Variants in PEX7 observed in about 807,000 individuals in gnomAD.
PEX7 encodes the protein PTS2 receptor.
PEX7 carries 34 observed loss-of-function variants against 47.5 expected under a neutral mutation model. That is an observed-to-expected ratio of 0.72 (90% CI 0.54 to 0.95). The LOEUF (loss-of-function observed/expected upper bound fraction) is 0.95, where lower values mean the gene tolerates loss of function less well. Ranked by LOEUF, PEX7 falls within the 40% of genes least tolerant of loss-of-function variation. The probability of loss-of-function intolerance (pLI) is 0.00; values close to 1 mark genes in which losing one functional copy is unlikely to be tolerated. For synonymous variants in PEX7, 141 were observed against 148.8 expected (o/e 0.95, Z 0.38); for missense variants, 394 against 400.3 (o/e 0.98, Z 0.13).
chr6:136,897,950 A>AT (rs1339438232), intron 8 of PEX7, among the ~76,000 whole-genome samples, 192 bp from the exon 9 acceptor site: 101 of 151,816 alleles, frequency 6.7e-4, no homozygotes, highest in African/African-American at 2.3e-3. Context: ...TTTTTTATAT[A>AT]TATAATAGGA....
chr6:136,826,626 A>G (rs1774198123), intron 3 of PEX7, among the ~76,000 whole-genome samples, 157 bp downstream of exon 3: 1 of 151,482 alleles, frequency 6.6e-6, no homozygotes, highest in African/African-American at 2.4e-5. Context: ...TTGATTATTC[A>G]AACATAAAGT....
At chr6:136,846,969 G>A (rs985502340) in intron 5 of PEX7, among the ~76,000 whole-genome samples, 3 of 152,168 alleles carry the variant, frequency 2.0e-5, no homozygotes, top group Non-Finnish European at 2.9e-5. Context: ...CAGTATAAAA[G>A]TGTTCCTATT....
chr6:136,829,217 T>C (rs1044183089), intron 3 of PEX7, among the ~76,000 whole-genome samples: 1 of 152,216 alleles, frequency 6.6e-6, no homozygotes, highest in Non-Finnish European at 1.5e-5. Context: ...TTCAGGCTGC[T>C]GTAACAAAGT....
intron 5 of PEX7, among the ~76,000 whole-genome samples, chr6:136,856,548 C>A (rs1457383029): frequency 6.6e-6 from 1 of 151,806 alleles, no homozygotes; most frequent in African/African-American, 2.4e-5. Flanking sequence ...GATTCCTTCT[C>A]AGACATCCAG....
At chr6:136,886,850 C>T (rs1477370900) in intron 8 of PEX7, among the ~76,000 whole-genome samples, 1 of 152,008 alleles carries the variant, frequency 6.6e-6, no homozygotes, top group Admixed American at 6.6e-5. Flanking sequence ...CCCAGGAATT[C>T]GAGACCAGCC....
rs931920949 is a variant in PEX7 at position 136,822,656 on chromosome 6, G to T, written c.-10G>T. ...GGCCGGGGCAGCGAGGGCCGGGGGC[G>T]GCGGGCGGGATGAGTGCGGTGTGCG... On this transcript the variant is annotated 5_prime_UTR_variant, in exon 1 of 10. Coordinates refer to ENST00000318471, the MANE Select transcript of PEX7 (RefSeq NM_000288.4). 1.3e-6 allele frequency: 2 copies of T among 1,525,286 alleles called. No individual in the cohort carries two copies. Among genetic ancestry groups the T allele is most frequent in the Non-Finnish European group, 1.8e-6 (2 of 1,141,384 alleles). The allele number at this position is 1,525,286 out of a possible 1,614,324, so 94.5% of individuals were successfully genotyped here.
rs1167636226 is a variant in PEX7, at chr6:136,898,210, G to A, written c.872G>A (p.Gly291Asp). Reference protein sequence around the residue: ...TVEHHTEFTCGLDFSLQSPTQ... With the variant: ...TVEHHTEFTCDLDFSLQSPTQ... The stretch of plus-strand genomic sequence containing the variant: ...GAGCATCATACAGAGTTTACTTGTG[G>A]TTTAGACTTCAGTCTTCAGAGCCCC... Residue 291 changes from glycine to aspartate, a missense_variant, in exon 9 of 10, where the codon GGT (glycine) becomes GAT (aspartate). Physicochemically the swap from Gly to Asp is moderately conservative, Grantham distance 94. Coordinates refer to ENST00000318471, the MANE Select transcript of PEX7 (RefSeq NM_000288.4). 1 of 1,611,060 alleles carries A rather than the reference G, an allele frequency of 6.2e-7. No individual in the cohort carries two copies. Among genetic ancestry groups the A allele is most frequent in the African/African-American group, 1.3e-5 (1 of 74,944 alleles).
intron 9 of PEX7, among the ~76,000 whole-genome samples, chr6:136,910,456 A>G (rs895759086): frequency 6.6e-6 from 1 of 152,238 alleles, no homozygotes; most frequent in Non-Finnish European, 1.5e-5. Flanking sequence ...GGAAGCGATC[A>G]GTAAAGGAAC....
intron 3 of PEX7, among the ~76,000 whole-genome samples, chr6:136,837,846 G>A (rs1361625493): frequency 2.2e-5 from 3 of 137,068 alleles, no homozygotes; most frequent in South Asian, 4.6e-4. Flanking sequence ...ACACACACAC[G>A]TACATGTATT....
At chr6:136,832,033 ACCCCACATTTTCCTTCTGTACTG>A (rs1049824559) in intron 3 of PEX7, among the ~76,000 whole-genome samples, 1 of 152,128 alleles carries the variant, frequency 6.6e-6, no homozygotes, top group African/African-American at 2.4e-5. Flanking sequence ...GGGGCCTTCA[ACCCCACATTTTCCTTCTGTACTG>A]CCCTAGCAAA....
chr6:136,826,460 C>T lies in PEX7; in HGVS notation c.330C>T (p.His110=), dbSNP rs199648976. The change falls in exon 3 of 10, where the codon CAC becomes CAT. Residue 110 remains histidine (H), a synonymous_variant. Coordinates refer to ENST00000318471, the MANE Select transcript of PEX7 (RefSeq NM_000288.4). ...AAGPLQVYKE[H]AQEVYSVDWS... ...GGCCACTGCAAGTCTATAAAGAACA[C>T]GCTCAGGAGGTAGGAGGGAAATCTT... is the stretch of plus-strand genomic sequence containing the variant. 182 of 1,613,944 alleles carry T rather than the reference C, an allele frequency of 1.1e-4. 1 individual carries two copies. The highest frequency in any genetic ancestry group is 1.6e-4 in the Middle Eastern group (1 of 6,062).
intron 8 of PEX7, among the ~76,000 whole-genome samples, chr6:136,888,904 G>A (rs1775511605): frequency 6.6e-6 from 1 of 152,078 alleles, no homozygotes; most frequent in African/African-American, 2.4e-5. Context: ...AAGACTTGCT[G>A]TTCAGTTGTG....
At position 136,913,491 on chromosome 6, in the gene PEX7, A is replaced by T. The variant is rs752382152; in HGVS notation, c.937A>T (p.Ile313Phe). ...ADCSWDETIK[I>F]YDPACLTIPA is the part of the protein sequence containing the mutation. ...CTGTTCTTGGGATGAAACAATAAAGATCTATGACCCTGCTTGTCTTACTAT... is the reference window on the plus strand; with the variant it reads ...CTGTTCTTGGGATGAAACAATAAAGTTCTATGACCCTGCTTGTCTTACTAT... The change falls in exon 10 of 10, where the codon ATC (isoleucine) becomes TTC (phenylalanine). Residue 313 changes from isoleucine (I) to phenylalanine (F), a missense_variant. Transcript: ENST00000318471. 6.2e-7 allele frequency: 1 copy of T among 1,612,696 alleles called. No individual in the cohort carries two copies. The highest frequency in any genetic ancestry group is 1.1e-5 in the South Asian group (1 of 91,048).
At chr6:136,873,109 G>T (rs555576648) in intron 8 of PEX7, among the ~76,000 whole-genome samples, 176 of 152,132 alleles carry the variant, frequency 1.2e-3, no homozygotes, top group African/African-American at 3.4e-3. Flanking sequence ...TGTTGATTTT[G>T]TCTAGGCAAA....
At chr6:136,863,997 A>C (rs984355082) in intron 5 of PEX7, among the ~76,000 whole-genome samples, 1 of 152,172 alleles carries the variant, frequency 6.6e-6, no homozygotes, top group Admixed American at 6.5e-5. Flanking sequence ...AAAGCTGTAA[A>C]GTGTGCATGC....
intron 5 of PEX7, among the ~76,000 whole-genome samples, chr6:136,854,645 A>G (rs1342712141): frequency 6.6e-6 from 1 of 152,184 alleles, no homozygotes; most frequent in African/African-American, 2.4e-5. Flanking sequence ...GTCCAAGTCG[A>G]ATTAAAGTTC....
chr6:136,824,440 C>T (rs1344001134), intron 1 of PEX7, among the ~76,000 whole-genome samples: 2 of 151,992 alleles, frequency 1.3e-5, no homozygotes, highest in South Asian at 2.1e-4. Context: ...TGGGTGCAAG[C>T]GATCTTCCTG....
intron 9 of PEX7, among the ~76,000 whole-genome samples, chr6:136,910,955 A>G (rs1775923625): frequency 6.6e-6 from 1 of 152,144 alleles, no homozygotes; most frequent in South Asian, 2.1e-4. Flanking sequence ...CTGTACTCTC[A>G]CACATCGTTT....
intron 3 of PEX7, among the ~76,000 whole-genome samples, chr6:136,845,329 G>A (rs894253510): frequency 1.3e-5 from 2 of 152,194 alleles, no homozygotes; most frequent in African/African-American, 4.8e-5. Context: ...TGATTTGTTG[G>A]TAGGTTTTAA....
Sources: allele counts gnomAD v4.1 joint callset (sites outside exome capture counted in the v4.1 genomes callset), GRCh38; gene constraint gnomAD v4.1.1; transcripts MANE v1.5; gene names NCBI Gene and HGNC (gene_info 2026-07-23, HGNC 2026-07-21).